The following SGCZ variants were observed in gnomAD, a reference collection of about 807,000 sequenced individuals.
SGCZ encodes zeta-sarcoglycan.
A neutral mutation model predicts 41.3 loss-of-function variants in SGCZ; 40 were observed. That is an observed-to-expected ratio of 0.97 (90% CI 0.75 to 1.26). The LOEUF is 1.26. Among genes scored for constraint, SGCZ ranks in the 50% most tolerant of loss-of-function variants. The probability of loss-of-function intolerance (pLI) is 0.00; values close to 1 mark genes in which losing one functional copy is unlikely to be tolerated. For synonymous variants in SGCZ, 206 were observed against 137.5 expected, an observed-to-expected ratio of 1.50 and a Z score of -3.49; for missense variants, 552 against 369.8, an observed-to-expected ratio of 1.49 and a Z score of -4.04.
At chr8:14,808,134 G>A (rs1273542166) in intron 1 of SGCZ, among the ~76,000 whole-genome samples, 2 of 152,144 alleles carry the variant, frequency 1.3e-5, no homozygotes, top group Admixed American at 6.6e-5. Flanking sequence ...AACCCTAGAA[G>A]ATAACCTAGG....
At chr8:14,823,069 A>AAAAAAAAAAAC (rs1554506585) in intron 1 of SGCZ, among the ~76,000 whole-genome samples, 1 of 151,412 alleles carries the variant, frequency 6.6e-6, no homozygotes, top group Non-Finnish European at 1.5e-5. Flanking sequence ...AAAAAAAAAA[A>AAAAAAAAAAAC]AAAAAAAAGA....
intron 1 of SGCZ, among the ~76,000 whole-genome samples, chr8:15,086,699 C>T (rs1805961968): frequency 6.6e-6 from 1 of 151,854 alleles, no homozygotes; most frequent in Non-Finnish European, 1.5e-5. Flanking sequence ...AAAATTACAT[C>T]CTCCCAAATT....
intron 4 of SGCZ, among the ~76,000 whole-genome samples, chr8:14,209,743 A>G (rs1022655227): frequency 6.6e-6 from 1 of 152,192 alleles, no homozygotes; most frequent in Non-Finnish European, 1.5e-5. Flanking sequence ...GTATATATCA[A>G]ATTTATCAGC....
intron 1 of SGCZ, among the ~76,000 whole-genome samples, chr8:14,925,733 T>G (rs1344179085): frequency 6.6e-6 from 1 of 152,214 alleles, no homozygotes; most frequent in Non-Finnish European, 1.5e-5. Flanking sequence ...GGGTTTGATC[T>G]GGCTTCACTT....
At chr8:14,425,053 CTTT>C (rs1799740295) in intron 2 of SGCZ, among the ~76,000 whole-genome samples, 1 of 152,040 alleles carries the variant, frequency 6.6e-6, no homozygotes, top group African/African-American at 2.4e-5. Flanking sequence ...TGCCTTTCTA[CTTT>C]TTTATTCCAT....
intron 1 of SGCZ, among the ~76,000 whole-genome samples, chr8:14,733,544 A>G (rs913311288): frequency 4.6e-5 from 7 of 152,186 alleles, no homozygotes; most frequent in African/African-American, 1.7e-4. Flanking sequence ...ATCCACTACT[A>G]TTAATTCTAA....
intron 5 of SGCZ, among the ~76,000 whole-genome samples, chr8:14,153,118 A>T (rs1299897968): frequency 6.6e-6 from 1 of 152,204 alleles, no homozygotes; most frequent in Non-Finnish European, 1.5e-5. Flanking sequence ...TCAGCATCCT[A>T]GTTGTAATAT....
chr8:14,306,827 G>A (rs895316807), intron 3 of SGCZ, among the ~76,000 whole-genome samples: 2 of 152,162 alleles, frequency 1.3e-5, no homozygotes, highest in East Asian at 1.9e-4. Context: ...AAGAATGGAT[G>A]CAAAAGTAAA....
At chr8:14,553,150 C>A (rs1456469819) in intron 2 of SGCZ, among the ~76,000 whole-genome samples, 1 of 151,878 alleles carries the variant, frequency 6.6e-6, no homozygotes, top group Non-Finnish European at 1.5e-5. Flanking sequence ...TGAAGGACAC[C>A]CAGACAGTAG....
chr8:14,311,431 G>A (rs1801539992), intron 3 of SGCZ, among the ~76,000 whole-genome samples: 1 of 152,054 alleles, frequency 6.6e-6, no homozygotes, highest in South Asian at 2.1e-4. Flanking sequence ...AGGAGGATAT[G>A]GGTGCTGAGT....
At chr8:14,512,168 A>T (rs1181454977) in intron 2 of SGCZ, among the ~76,000 whole-genome samples, 1 of 152,146 alleles carries the variant, frequency 6.6e-6, no homozygotes, top group Non-Finnish European at 1.5e-5. Context: ...CTGACCACAG[A>T]TAATCTGAGT....
At chr8:14,325,747 CATATATATATATAT>C (rs370021799) in intron 2 of SGCZ, among the ~76,000 whole-genome samples, 798 of 69,386 alleles carry the variant, frequency 0.012, 10 homozygotes, top group African/African-American at 0.029. Context: ...CACACACACA[CATATATATATATAT>C]ATATATATAT....
At chr8:15,180,621 C>A (rs561654374) in intron 1 of SGCZ, among the ~76,000 whole-genome samples, 1 of 150,830 alleles carries the variant, frequency 6.6e-6, no homozygotes, top group Non-Finnish European at 1.5e-5. Context: ...CATGGTGACT[C>A]ACGCCTGTAA....
chr8:14,457,820 T>C lies in SGCZ; in HGVS notation c.234+96912A>G, dbSNP rs1320539922. On this transcript the variant is annotated intron_variant, in intron 2 of 7. Coordinates refer to ENST00000382080, the MANE Select transcript of SGCZ (RefSeq NM_139167.4). ...TGACTCACATTTTTTACCCTGCCCC[T>C]TCTGCCTTGTATCCAATAAATAACA... 2.0e-5 allele frequency among the ~76,000 whole-genome samples: 3 copies of C among 152,154 alleles called. No homozygotes were observed. The East Asian group carries it at 5.8e-4, about 29-fold the overall frequency.
At chr8:14,243,976 A>C (rs1480937380) in intron 3 of SGCZ, among the ~76,000 whole-genome samples, 1 of 152,176 alleles carries the variant, frequency 6.6e-6, no homozygotes, top group Non-Finnish European at 1.5e-5. Flanking sequence ...AGACTTTTAA[A>C]AGTATAGTTT....
At chr8:15,194,185 T>TCACACACA (rs34127082) in intron 1 of SGCZ, among the ~76,000 whole-genome samples, 414 of 139,564 alleles carry the variant, frequency 3.0e-3, no homozygotes, top group Admixed American at 5.4e-3. Context: ...CCACCTCTAA[T>TCACACACA]CACACACACA....
At chr8:14,643,553 A>AG (rs1252369868) in intron 1 of SGCZ, among the ~76,000 whole-genome samples, 1 of 151,408 alleles carries the variant, frequency 6.6e-6, no homozygotes, top group Non-Finnish European at 1.5e-5. Flanking sequence ...AAAAAAAAAA[A>AG]GAGAAGCTTA....
intron 1 of SGCZ, among the ~76,000 whole-genome samples, chr8:14,830,471 C>A (rs1230947286): frequency 6.6e-6 from 1 of 152,050 alleles, no homozygotes; most frequent in African/African-American, 2.4e-5. Context: ...CTTTCTCTCT[C>A]TTTTGCAGAG....
intron 1 of SGCZ, among the ~76,000 whole-genome samples, chr8:15,162,350 G>C (rs1308749793): frequency 6.6e-6 from 1 of 152,120 alleles, no homozygotes; most frequent in African/African-American, 2.4e-5. Flanking sequence ...TAACCCAAAG[G>C]AACATTTTAT....
Sources: allele counts gnomAD v4.1 joint callset (sites outside exome capture counted in the v4.1 genomes callset), GRCh38; gene constraint gnomAD v4.1.1; transcripts MANE v1.5; gene names NCBI Gene and HGNC (gene_info 2026-07-23, HGNC 2026-07-21).